The following PALM3 variants were observed in gnomAD, a reference collection of about 807,000 sequenced individuals.
The protein encoded by PALM3 is paralemmin 3, also known as paralemmin-3.
PALM3 carries 20 observed loss-of-function variants against 27.9 expected under a neutral mutation model. The observed-to-expected ratio is 0.72, with a 90% CI of 0.50 to 1.04. The LOEUF (loss-of-function observed/expected upper bound fraction) is 1.04, where lower values mean the gene tolerates loss of function less well. Ranked by LOEUF, PALM3 falls within the 50% of genes least tolerant of loss-of-function variation. PALM3 has a pLI of 0.00. For synonymous variants in PALM3, 328 were observed against 352.7 expected, an observed-to-expected ratio of 0.93 and a Z score of 0.79; for missense variants, 814 against 869.4, an observed-to-expected ratio of 0.94 and a Z score of 0.80.
chr19:14,061,062 C>T (rs547552522), intron 1 of PALM3, among the ~76,000 whole-genome samples: 103 of 152,284 alleles, frequency 6.8e-4, no homozygotes, highest in African/African-American at 2.4e-3. Context: ...TGCCCGGCCA[C>T]GAAGTCATGC....
intron 1 of PALM3, among the ~76,000 whole-genome samples, chr19:14,061,145 G>A (rs529802364): frequency 1.3e-5 from 2 of 152,256 alleles, no homozygotes; most frequent in African/African-American, 4.8e-5. Context: ...CTGAAGTCCC[G>A]TGGTCTCCTG....
rs10419451 is a variant in PALM3, at chr19:14,053,411, C to T, written c.*194G>A. On this transcript the variant is annotated 3_prime_UTR_variant, in exon 7 of 7. Transcript: ENST00000669674. ...ATTTTCAAGTATAAAGGCTTCATCG[C>T]AGAAGGAGGCCAGGGTTACAGGCAG... The T allele has an allele frequency of 0.13, 69,966 of 519,580 alleles. 8,121 individuals are homozygous for T. The highest frequency in any genetic ancestry group is 0.46 in the African/African-American group (23,705 of 51,378). The allele number at this position is 519,580 out of a possible 1,614,324, so 32.2% of individuals were successfully genotyped here.
At chr19:14,055,967 G>A (rs1420373577) in intron 5 of PALM3, among the ~76,000 whole-genome samples, 1 of 152,114 alleles carries the variant, frequency 6.6e-6, no homozygotes, top group Non-Finnish European at 1.5e-5. Context: ...GGAGTGCAGT[G>A]GTGTGATCTC....
chr19:14,061,352 C>T (rs1976411188), intron 1 of PALM3, among the ~76,000 whole-genome samples: 1 of 152,186 alleles, frequency 6.6e-6, no homozygotes. Context: ...CCCCCTCTAC[C>T]CTTTTAACCT....
Position 14,055,367 on chromosome 19 carries a change from C to T in PALM3, c.445+13G>A, listed in dbSNP as rs1323692568. The T allele has an allele frequency of 1.9e-6, 3 of 1,549,698 alleles. No individual in the cohort carries two copies. Among genetic ancestry groups the T allele is most frequent in the African/African-American group, 1.4e-5 (1 of 71,618 alleles). On this transcript the variant is annotated intron_variant, in intron 6 of 6. Coordinates refer to ENST00000669674, the MANE Select transcript of PALM3 (RefSeq NM_001145028.2). ...GTGACCTGACCCCCAGACCTAGGGGCTCCCACACTTACCTACAGAACCTGC... is the reference window on the plus strand; with the variant it reads ...GTGACCTGACCCCCAGACCTAGGGGTTCCCACACTTACCTACAGAACCTGC...
chr19:14,056,547 C>T (rs1276080951), intron 4 of PALM3, 34 bp from the exon 5 acceptor site: 8 of 1,547,396 alleles, frequency 5.2e-6, no homozygotes, highest in East Asian at 2.4e-5. Flanking sequence ...GGAGCTGGGC[C>T]CCCAGGCTCC....
chr19:14,057,341 C>A lies in PALM3; in HGVS notation c.171+10G>T, dbSNP rs1976325007. On this transcript the variant is annotated intron_variant, in intron 3 of 6. Transcript: ENST00000669674. ...CCCAGGCTAGGCAGGCGCCCCCGCC[C>A]GCCCCCAACCTTGAGACGCTCCACG... 6.5e-7 allele frequency: 1 copy of A among 1,536,746 alleles called. No individual in the cohort carries two copies. Among genetic ancestry groups the A allele is most frequent in the Non-Finnish European group, 8.8e-7 (1 of 1,139,828 alleles).
In PALM3 at chr19:14,055,069, T is replaced by C. The variant is rs1976277250; in HGVS notation, c.603A>G (p.Pro201=). ...CTGGAGTGGGGATGGGGCTGGGGCA[T>C]GGGCCATTGGCTTCTGAGGAGTCTC... ...AAGDSSEANG[P]CPSPIPTPEQ... The change falls in exon 7 of 7, where the codon CCA becomes CCG. Residue 201 remains proline (P), a synonymous_variant. Transcript: ENST00000669674. The C allele has an allele frequency of 6.4e-7, 1 of 1,551,574 alleles. No homozygotes were observed. Among genetic ancestry groups the C allele is most frequent in the Non-Finnish European group, 8.7e-7 (1 of 1,146,974 alleles).
intron 2 of PALM3, 116 bp from the exon 3 acceptor site, chr19:14,057,547 A>C (rs1357743266): frequency 1.2e-6 from 1 of 818,462 alleles, no homozygotes; most frequent in African/African-American, 1.9e-5. Context: ...GGGGCTCCCG[A>C]GGCAGCGAGC....
In PALM3 at chr19:14,059,105, C is replaced by T. The variant is rs1042332457; in HGVS notation, c.90+10G>A. On this transcript the variant is annotated intron_variant, in intron 2 of 6. Transcript: ENST00000669674. ...GGGGGTGCCCAGGGCGCGGGGAGGG[C>T]GTCACTTACAGCGATGACTTCTAGC... 33 of 1,451,648 alleles carry T rather than the reference C, an allele frequency of 2.3e-5. No individual in the cohort carries two copies. The African/African-American group carries it at 4.0e-4, about 18-fold the overall frequency. 89.9% of individuals were successfully genotyped at this position (1,451,648 alleles called of 1,614,324 possible).
Position 14,053,402 on chromosome 19 carries a change from G to T in PALM3, c.*203C>A. ...TCACATTTTATTTTCAAGTATAAAG[G>T]CTTCATCGCAGAAGGAGGCCAGGGT... On this transcript the variant is annotated 3_prime_UTR_variant, in exon 7 of 7. Coordinates refer to ENST00000669674, the MANE Select transcript of PALM3 (RefSeq NM_001145028.2). The T allele has an allele frequency of 4.1e-6, 2 of 493,366 alleles. No individual in the cohort carries two copies. Among genetic ancestry groups the T allele is most frequent in the Non-Finnish European group, 6.9e-6 (2 of 289,950 alleles). The allele number at this position is 493,366 out of a possible 1,614,324, so 30.6% of individuals were successfully genotyped here.
chr19:14,054,698 A>T lies in PALM3; in HGVS notation c.974T>A (p.Leu325Ter). The change falls in exon 7 of 7, where the codon TTA becomes TAA. Residue 325 changes from leucine (L) to a stop codon, truncating the protein, a stop_gained. Transcript: ENST00000669674. LOFTEE classifies it low-confidence loss of function (END_TRUNC). The part of the protein sequence containing the change: ...QTSSPRLQER[L>*]EAAASIEGED... ...CCCTTCTATGGAAGCTGCTGCCTCT[A>T]ATCTCTCCTGGAGCCTAGGCGAGCT... 6.4e-7 allele frequency: 1 copy of T among 1,551,494 alleles called. No individual in the cohort carries two copies. The highest frequency in any genetic ancestry group is 8.7e-7 in the Non-Finnish European group (1 of 1,146,902).
At chr19:14,061,803 G>T (rs1976418459) in intron 1 of PALM3, 137 bp downstream of exon 1, 1 of 373,842 alleles carries the variant, frequency 2.7e-6, no homozygotes, top group Non-Finnish European at 3.7e-6. Context: ...TATGGGGTTG[G>T]CTAGCCAACC....
rs1976223226 is a variant in PALM3 at position 14,053,589 on chromosome 19, G to A, written c.*16C>T. 1.4e-6 allele frequency: 2 copies of A among 1,448,560 alleles called. No individual in the cohort carries two copies. The highest frequency in any genetic ancestry group is 1.8e-6 in the Non-Finnish European group (2 of 1,098,958). 89.7% of individuals were successfully genotyped at this position (1,448,560 alleles called of 1,614,324 possible). A position where few individuals can be genotyped will look rare whatever the true frequency, so the allele number is the denominator to read the frequency against. On this transcript the variant is annotated 3_prime_UTR_variant, in exon 7 of 7. Coordinates refer to ENST00000669674, the MANE Select transcript of PALM3 (RefSeq NM_001145028.2). ...AGCTGTGAGAGGAGCTGGACATGGG[G>A]TGGAGGGGCATGGGTTCACATGACC...
chr19:14,060,597 T>C (rs1209608881), intron 1 of PALM3, among the ~76,000 whole-genome samples: 1 of 152,064 alleles, frequency 6.6e-6, no homozygotes, highest in Non-Finnish European at 1.5e-5. Context: ...GGCAGCAGTG[T>C]CCAAGGTCAT....
Position 14,054,393 on chromosome 19 carries a change from T to A in PALM3, c.1279A>T (p.Thr427Ser). The stretch of plus-strand genomic sequence containing the variant: ...GACATCTCCGCTTCATCCCTCCCTG[T>A]CCCTGGCTTTTCCTCACTTCCTATT... ...MGIGSEEKPG[T>S]GRDEAEMSPV... The change falls in exon 7 of 7, where the codon ACA becomes TCA. Residue 427 changes from threonine to serine, a missense_variant. By Grantham distance (58) the Thr-to-Ser change is moderately conservative. Coordinates refer to ENST00000669674, the MANE Select transcript of PALM3 (RefSeq NM_001145028.2). 6.4e-7 allele frequency: 1 copy of A among 1,552,008 alleles called. No individual in the cohort carries two copies. Among genetic ancestry groups the A allele is most frequent in the Non-Finnish European group, 8.7e-7 (1 of 1,147,004 alleles).
At chr19:14,055,510 C>A (rs2145702677) in intron 5 of PALM3, 85 bp from the exon 6 acceptor site, 1 of 1,330,560 alleles carries the variant, frequency 7.5e-7, no homozygotes, top group East Asian at 2.5e-5. Context: ...CCCCACCACC[C>A]CTAAATACCC....
intron 2 of PALM3, among the ~76,000 whole-genome samples, chr19:14,058,892 A>G (rs1459775849): frequency 1.3e-5 from 2 of 151,948 alleles, no homozygotes; most frequent in Non-Finnish European, 2.9e-5. Context: ...GGAATGAGGC[A>G]TAGCCGATGC....
In PALM3 at chr19:14,056,299, G is replaced by A. The variant is rs537345061; in HGVS notation, c.399+130C>T. 62 of 902,704 alleles carry A rather than the reference G, an allele frequency of 6.9e-5. No individual in the cohort carries two copies. The South Asian group carries it at 7.7e-4, about 11-fold the overall frequency. 55.9% of individuals were successfully genotyped at this position (902,704 alleles called of 1,614,324 possible). ...CAAGACCACAGAGCAAAGTAAAAGC[G>A]GGAAGCGGATCTGAATGCAGACCTA... On this transcript the variant is annotated intron_variant, in intron 5 of 6. Coordinates refer to ENST00000669674, the MANE Select transcript of PALM3 (RefSeq NM_001145028.2).
Sources: gnomAD v4.1 joint callset for allele counts (sites outside exome capture counted in the v4.1 genomes callset) on GRCh38, gnomAD v4.1.1 for gene constraint, MANE v1.5 for transcripts, NCBI Gene and HGNC (gene_info 2026-07-23, HGNC 2026-07-21) for gene names.